AFF3: variants seen among roughly 807,000 people sequenced by gnomAD.
AFF3 encodes ALF transcription elongation factor 3.
Under a neutral mutation model 129.7 loss-of-function variants are expected in AFF3, and 32 were observed. The observed-to-expected ratio is 0.25, with a 90% CI of 0.19 to 0.33. The LOEUF (loss-of-function observed/expected upper bound fraction) is 0.33, where lower values mean the gene tolerates loss of function less well. AFF3 is among the 10% of genes least tolerant of loss of function. The probability of loss-of-function intolerance (pLI) is 1.00; values close to 1 mark genes in which losing one functional copy is unlikely to be tolerated. For synonymous variants in AFF3, 644 were observed against 635.4 expected (o/e 1.01, Z -0.20); for missense variants, 1,373 against 1,592.0 (o/e 0.86, Z 2.34).
chr2:99,850,057 GA>G (rs1193455258), intron 7 of AFF3, among the ~76,000 whole-genome samples: 1 of 152,202 alleles, frequency 6.6e-6, no homozygotes, highest in African/African-American at 2.4e-5. Context: ...GTAGAATATG[GA>G]ATGTTATAGG....
At position 99,727,683 on chromosome 2, in the gene AFF3, T is replaced by A. The variant is rs371484045; in HGVS notation, c.1040-555A>T. 2.0e-4 allele frequency among the ~76,000 whole-genome samples: 30 copies of A among 151,396 alleles called. 1 individual carries two copies. Among genetic ancestry groups the A allele is most frequent in the South Asian group, 1.7e-3 (8 of 4,768 alleles). ...TTCAAGCAATTCTCCAGTCTCAGCC[T>A]CCCGAGTAGCTGGGACTACAGGTGC... is the stretch of plus-strand genomic sequence containing the variant. On this transcript the variant is annotated intron_variant, in intron 10 of 24. Transcript: ENST00000672756.
chr2:99,704,920 C>T (rs1015194632), intron 11 of AFF3, among the ~76,000 whole-genome samples: 33 of 152,040 alleles, frequency 2.2e-4, no homozygotes, highest in Admixed American at 1.1e-3. Context: ...TTAGAGATCT[C>T]GATCTGGGAG....
chr2:99,968,807 C>T (rs371609262), intron 7 of AFF3, among the ~76,000 whole-genome samples: 11 of 152,330 alleles, frequency 7.2e-5, no homozygotes, highest in Admixed American at 5.2e-4. Flanking sequence ...AACCTTCCTC[C>T]TGCCTTTCCC....
At chr2:100,076,287 T>C (rs1032625837) in intron 4 of AFF3, among the ~76,000 whole-genome samples, 21 of 152,176 alleles carry the variant, frequency 1.4e-4, no homozygotes, top group East Asian at 1.9e-4. Flanking sequence ...ACCCTTGAGA[T>C]AGTAAGAGTA....
At chr2:100,042,736 C>A (rs887814125) in intron 4 of AFF3, among the ~76,000 whole-genome samples, 1 of 152,200 alleles carries the variant, frequency 6.6e-6, no homozygotes, top group African/African-American at 2.4e-5. Flanking sequence ...GCTGGGAAAG[C>A]TCTCTGAGGT....
At chr2:99,917,454 A>T (rs2106229293) in intron 7 of AFF3, among the ~76,000 whole-genome samples, 1 of 152,262 alleles carries the variant, frequency 6.6e-6, no homozygotes, top group East Asian at 1.9e-4. Context: ...CACTTATAAC[A>T]GGGAATGTGG....
chr2:99,579,985 T>G (rs1376597877), intron 17 of AFF3, among the ~76,000 whole-genome samples: 2 of 152,236 alleles, frequency 1.3e-5, no homozygotes, highest in Non-Finnish European at 2.9e-5. Context: ...TCTACTGTCA[T>G]AGAAGACCAG....
chr2:99,904,668 TTTTG>T (rs1354570155), intron 7 of AFF3, among the ~76,000 whole-genome samples: 2 of 152,156 alleles, frequency 1.3e-5, no homozygotes, highest in African/African-American at 4.8e-5. Flanking sequence ...GTGTTTTTCA[TTTTG>T]TTTGTTTCTT....
intron 7 of AFF3, among the ~76,000 whole-genome samples, chr2:99,944,153 C>T (rs188552570): frequency 4.6e-5 from 7 of 152,238 alleles, no homozygotes; most frequent in East Asian, 3.9e-4. Context: ...CTCCCGCCTC[C>T]GCTTCCCAAA....
intron 11 of AFF3, among the ~76,000 whole-genome samples, chr2:99,693,649 C>T (rs989242386): frequency 2.6e-5 from 4 of 152,098 alleles, no homozygotes; most frequent in African/African-American, 9.7e-5. Flanking sequence ...CTATTGCATG[C>T]TCCCAGGCAT....
intron 11 of AFF3, among the ~76,000 whole-genome samples, chr2:99,683,932 G>A (rs536794077): frequency 2.0e-5 from 3 of 152,186 alleles, no homozygotes; most frequent in Admixed American, 1.3e-4. Flanking sequence ...AGACAATCCC[G>A]GCCCTTTTAT....
At chr2:100,008,961 CCA>C in intron 4 of AFF3, 29 bp from the exon 5 acceptor site, 2 of 1,610,776 alleles carry the variant, frequency 1.2e-6, no homozygotes, top group East Asian at 4.5e-5. Context: ...GAGAGAACAA[CCA>C]CACACACAAA....
intron 7 of AFF3, among the ~76,000 whole-genome samples, chr2:99,867,576 TAA>T (rs3072544): frequency 0.027 from 3,850 of 141,318 alleles, 80 homozygotes; most frequent in South Asian, 0.063. Flanking sequence ...ATTTCTATAT[TAA>T]AAAAAAAAAA....
At chr2:99,766,104 G>C (rs1682987860) in intron 8 of AFF3, among the ~76,000 whole-genome samples, 1 of 152,212 alleles carries the variant, frequency 6.6e-6, no homozygotes, top group Non-Finnish European at 1.5e-5. Context: ...ACCTGGCTAT[G>C]ATGACAGGGC....
chr2:100,031,095 C>T (rs1234399170), intron 4 of AFF3, among the ~76,000 whole-genome samples: 1 of 151,978 alleles, frequency 6.6e-6, no homozygotes, highest in Non-Finnish European at 1.5e-5. Context: ...AAAATCCTGA[C>T]CCAAATAATA....
At chr2:99,912,786 A>C (rs1695192057) in intron 7 of AFF3, among the ~76,000 whole-genome samples, 2 of 152,212 alleles carry the variant, frequency 1.3e-5, no homozygotes, top group South Asian at 4.1e-4. Flanking sequence ...TTGCATATCC[A>C]TGAGCAAAAT....
chr2:100,011,154 G>A (rs1682502215), intron 4 of AFF3, among the ~76,000 whole-genome samples: 1 of 152,068 alleles, frequency 6.6e-6, no homozygotes, highest in African/African-American at 2.4e-5. Flanking sequence ...GGCACCTGTA[G>A]TCCCAGCTAC....
rs1254844721 is a variant in AFF3 at position 99,572,309 on chromosome 2, CT to C, written c.2919-3395del. 1.0e-3 allele frequency among the ~76,000 whole-genome samples: 134 copies of C among 132,580 alleles called. 1 individual carries two copies. Among genetic ancestry groups the C allele is most frequent in the African/African-American group, 3.9e-3 (129 of 33,294 alleles). 87.0% of individuals were successfully genotyped at this position (132,580 alleles called of 152,430 possible). A position where few individuals can be genotyped will look rare whatever the true frequency, so the allele number is the denominator to read the frequency against. On this transcript the variant is annotated intron_variant, in intron 18 of 24. Coordinates refer to ENST00000672756, the MANE Select transcript of AFF3 (RefSeq NM_001386135.1). ...CCTCCCACCACCCCCCCCCCCCCAC[CT>C]AGAAACACACGGTCTTGGTTCTCAG...
At chr2:99,886,095 C>G (rs1328679248) in intron 7 of AFF3, among the ~76,000 whole-genome samples, 1 of 152,160 alleles carries the variant, frequency 6.6e-6, no homozygotes, top group African/African-American at 2.4e-5. Context: ...CTTCTTGATG[C>G]CCCAAAATGC....
Sources: gnomAD v4.1 joint callset for allele counts (sites outside exome capture counted in the v4.1 genomes callset) on GRCh38, gnomAD v4.1.1 for gene constraint, MANE v1.5 for transcripts, NCBI Gene and HGNC (gene_info 2026-07-23, HGNC 2026-07-21) for gene names.